Variants in MROH9 observed in about 807,000 individuals in gnomAD.
MROH9 encodes the protein maestro heat like repeat family member 9.
A neutral mutation model predicts 98.2 loss-of-function variants in MROH9; 92 were observed. The ratio of observed to expected loss-of-function variants is 0.94; its 90% confidence interval spans 0.79 to 1.11. The LOEUF (loss-of-function observed/expected upper bound fraction) is 1.11. MROH9 is among the 50% of genes most tolerant of loss of function. MROH9 has a pLI of 0.00. For missense variants in MROH9, 1,057 were observed against 1,014.8 expected, an observed-to-expected ratio of 1.04 and a Z score of -0.57; for synonymous variants, 397 against 368.9, an observed-to-expected ratio of 1.08 and a Z score of -0.87.
intron 15 of MROH9, among the ~76,000 whole-genome samples, chr1:171,008,005 G>T (rs931077454): frequency 2.0e-5 from 3 of 152,108 alleles, no homozygotes; most frequent in Non-Finnish European, 4.4e-5. Flanking sequence ...ATCCCAAAAA[G>T]TCCCCAGCAA....
intron 8 of MROH9, among the ~76,000 whole-genome samples, chr1:170,976,365 G>T (rs1370302250): frequency 1.3e-5 from 2 of 150,360 alleles, no homozygotes; most frequent in African/African-American, 4.9e-5. Context: ...TTCAGCATTT[G>T]CTTGTCTAAA....
At chr1:171,019,144 G>T (rs891005575) in intron 17 of MROH9, among the ~76,000 whole-genome samples, 2 of 152,196 alleles carry the variant, frequency 1.3e-5, no homozygotes, top group Non-Finnish European at 2.9e-5. Context: ...TCACATTAGA[G>T]CTCAGGATTA....
chr1:171,002,166 ATAGT>A (rs1407232639), intron 15 of MROH9, among the ~76,000 whole-genome samples: 11 of 152,110 alleles, frequency 7.2e-5, no homozygotes, highest in African/African-American at 1.9e-4. Flanking sequence ...AAGGCAGCAG[ATAGT>A]TGGTTGGTGA....
At position 170,986,434 on chromosome 1, in the gene MROH9, T is replaced by C. The variant is rs555141936; in HGVS notation, c.730-127T>C. ...ATGGAAGAGAGAGACTCCAACAAGA[T>C]GTATATGGCCCACGGAAGACTTGTG... On this transcript the variant is annotated intron_variant, in intron 9 of 21. Transcript: ENST00000367759. 5.3e-6 allele frequency: 4 copies of C among 754,322 alleles called. No homozygotes were observed. The South Asian group carries it at 1.1e-4, about 21-fold the overall frequency. The allele number at this position is 754,322 out of a possible 1,614,324, so 46.7% of individuals were successfully genotyped here. A position where few individuals can be genotyped will look rare whatever the true frequency, so the allele number is the denominator to read the frequency against.
chr1:170,970,034 G>A (rs1650379993), intron 7 of MROH9, among the ~76,000 whole-genome samples: 1 of 152,112 alleles, frequency 6.6e-6, no homozygotes, highest in Non-Finnish European at 1.5e-5. Flanking sequence ...GTGACAGTAA[G>A]TGGATATGCA....
At chr1:171,035,181 G>T (rs997350396) in intron 20 of MROH9, among the ~76,000 whole-genome samples, 2 of 151,848 alleles carry the variant, frequency 1.3e-5, no homozygotes, top group Non-Finnish European at 1.5e-5. Context: ...AGAAATATTT[G>T]CACATGTGCA....
chr1:170,938,635 GT>G (rs1027311580), intron 1 of MROH9, among the ~76,000 whole-genome samples: 1 of 152,240 alleles, frequency 6.6e-6, no homozygotes, highest in African/African-American at 2.4e-5. Context: ...AAGCAATGCT[GT>G]GTGGAATAAC....
chr1:171,032,173 T>C (rs1262239292), intron 20 of MROH9, among the ~76,000 whole-genome samples: 1 of 152,208 alleles, frequency 6.6e-6, no homozygotes, highest in Non-Finnish European at 1.5e-5. Flanking sequence ...AGTTAGCAGC[T>C]CCTATAACCT....
At chr1:170,987,190 C>G (rs117610185) in intron 10 of MROH9, among the ~76,000 whole-genome samples, 106 of 152,172 alleles carry the variant, frequency 7.0e-4, no homozygotes, top group African/African-American at 2.5e-3. Flanking sequence ...TTCAAGCATA[C>G]GAACAATTTT....
At chr1:170,988,055 T>C (rs1651216624) in intron 10 of MROH9, among the ~76,000 whole-genome samples, 1 of 152,174 alleles carries the variant, frequency 6.6e-6, no homozygotes, top group African/African-American at 2.4e-5. Context: ...TGTCCTCTGC[T>C]CCACTGTCCC....
At position 171,064,107 on chromosome 1, in the gene MROH9, C is replaced by A. The variant is rs748211477; in HGVS notation, c.2353C>A (p.Arg785=). ...EIEVMLDVIE[R]LLRDEDPMIK... ...CTCTTCTGATATTACAGTTATTGAACGACTGCTCCGAGATGAAGACCCTAT... is the reference window on the plus strand; with the variant it reads ...CTCTTCTGATATTACAGTTATTGAAAGACTGCTCCGAGATGAAGACCCTAT... Residue 785 remains arginine, a synonymous_variant, in exon 22 of 22, where the codon CGA becomes AGA. Transcript: ENST00000367759. The A allele has an allele frequency of 1.0e-5, 16 of 1,535,586 alleles. No individual in the cohort carries two copies. The highest frequency in any genetic ancestry group is 6.5e-5 in the Admixed American group (3 of 46,494).
rs1302107868 is a variant in MROH9, at chr1:170,959,524, T to C, written c.215T>C (p.Met72Thr). The change falls in exon 5 of 22, where the codon ATG becomes ACG. Residue 72 changes from methionine (M) to threonine (T), a missense_variant. By Grantham distance (81) the Met-to-Thr change is moderately conservative. Transcript: ENST00000367759. Reference protein sequence around the residue: ...QLKIIESSFGMLVVMPSLDKV... With the variant: ...QLKIIESSFGTLVVMPSLDKV... Reference sequence around the variant, plus strand: ...AAGATAATAGAGTCATCCTTTGGAATGCTAGTTGTCATGCCAAGTCTTGAC... The same window carrying C: ...AAGATAATAGAGTCATCCTTTGGAACGCTAGTTGTCATGCCAAGTCTTGAC... The C allele has an allele frequency of 1.2e-6, 2 of 1,613,702 alleles. No individual in the cohort carries two copies. Among genetic ancestry groups the C allele is most frequent in the South Asian group, 1.1e-5 (1 of 90,986 alleles).
At chr1:171,055,292 AAGT>A in intron 20 of MROH9, among the ~76,000 whole-genome samples, 1 of 152,264 alleles carries the variant, frequency 6.6e-6, no homozygotes, top group South Asian at 2.1e-4. Flanking sequence ...TCTCACTTAT[AAGT>A]GGGAGCTAGG....
chr1:170,997,147 T>G (rs1033664286), intron 14 of MROH9, among the ~76,000 whole-genome samples: 1 of 152,150 alleles, frequency 6.6e-6, no homozygotes, highest in Non-Finnish European at 1.5e-5. Context: ...AGGGATCAGA[T>G]TTTCTGATCA....
At chr1:170,985,705 C>T (rs1362221702) in intron 9 of MROH9, among the ~76,000 whole-genome samples, 1 of 152,070 alleles carries the variant, frequency 6.6e-6, no homozygotes, top group African/African-American at 2.4e-5. Context: ...TAAAGTAGGG[C>T]AAACTATTTA....
At chr1:171,053,391 AG>A (rs1653732035) in intron 20 of MROH9, among the ~76,000 whole-genome samples, 1 of 152,230 alleles carries the variant, frequency 6.6e-6, no homozygotes, top group South Asian at 2.1e-4. Flanking sequence ...AACAGGAAAT[AG>A]ACCAGCCCTC....
At chr1:171,050,619 A>G (rs1212830839) in intron 20 of MROH9, among the ~76,000 whole-genome samples, 1 of 152,152 alleles carries the variant, frequency 6.6e-6, no homozygotes, top group African/African-American at 2.4e-5. Context: ...GTGAAGAGGG[A>G]TGATTTGACA....
At chr1:171,035,542 A>C (rs920382108) in intron 20 of MROH9, among the ~76,000 whole-genome samples, 4 of 152,092 alleles carry the variant, frequency 2.6e-5, no homozygotes, top group African/African-American at 4.8e-5. Context: ...TATATCTGGC[A>C]AAGAATCACA....
intron 20 of MROH9, among the ~76,000 whole-genome samples, chr1:171,051,279 A>G (rs1448912451): frequency 3.3e-5 from 5 of 152,192 alleles, no homozygotes; most frequent in Admixed American, 1.3e-4. Flanking sequence ...TTACAAAGAT[A>G]CATGCACAGG....
Sources: gnomAD v4.1 joint callset for allele counts (sites outside exome capture counted in the v4.1 genomes callset) on GRCh38, gnomAD v4.1.1 for gene constraint, MANE v1.5 for transcripts, NCBI Gene and HGNC (gene_info 2026-07-23, HGNC 2026-07-21) for gene names.